Variants in DST observed in about 807,000 individuals in gnomAD.
The protein encoded by DST is dystonin.
A neutral mutation model predicts 875.2 loss-of-function variants in DST; 253 were observed. That is an observed-to-expected ratio of 0.29 (90% confidence interval 0.26 to 0.32). The LOEUF is 0.32. DST is among the 10% of genes least tolerant of loss of function. DST has a pLI of 1.00. For missense variants in DST, 8,287 were observed against 9,111.6 expected (o/e 0.91, Z 3.68); for synonymous variants, 3,124 against 3,197.1 (o/e 0.98, Z 0.77).
intron 5 of DST, among the ~76,000 whole-genome samples, chr6:56,719,958 T>G (rs1043390774): frequency 6.6e-6 from 1 of 152,090 alleles, no homozygotes; most frequent in Admixed American, 6.5e-5. Flanking sequence ...GGGGCAAAAT[T>G]AGAATTGCTA....
intron 61 of DST, chr6:56,540,761 C>T (rs896517725): frequency 1.3e-5 from 2 of 152,586 alleles, no homozygotes; most frequent in African/African-American, 4.8e-5. Flanking sequence ...TTCCCTTTGA[C>T]CATTTACATG....
intron 5 of DST, among the ~76,000 whole-genome samples, chr6:56,722,395 TA>T (rs2099422473): frequency 1.4e-5 from 2 of 146,678 alleles, no homozygotes; most frequent in East Asian, 2.5e-4. Flanking sequence ...TTTATTTATT[TA>T]TTTTTGAGAC....
At position 56,493,030 on chromosome 6, in the gene DST, G is replaced by T; in HGVS notation, c.20454C>A (p.Phe6818Leu). Residue 6818 changes from phenylalanine to leucine, a missense_variant, in exon 84 of 104, where the codon TTC becomes TTA. By Grantham distance (22) the Phe-to-Leu change is conservative. Coordinates refer to ENST00000680361, the MANE Select transcript of DST (RefSeq NM_001374736.1). ...GTTCAGCCTGAGTAAGCCAGTTGAT[G>T]AAGTCTTGGAGAGAATTGTGGAACT... ...AMEFHNSLQD[F>L]INWLTQAEQT... The T allele has an allele frequency of 6.2e-7, 1 of 1,612,934 alleles. No homozygotes were observed. Among genetic ancestry groups the T allele is most frequent in the Non-Finnish European group, 8.5e-7 (1 of 1,179,418 alleles).
At chr6:56,817,254 T>C (rs939816148) in intron 4 of DST, among the ~76,000 whole-genome samples, 2 of 152,184 alleles carry the variant, frequency 1.3e-5, no homozygotes, top group African/African-American at 4.8e-5. Flanking sequence ...TCTAATATTA[T>C]AATTTTCTTA....
At chr6:56,573,631 T>C in intron 51 of DST, 48 bp downstream of exon 51, 1 of 1,410,768 alleles carries the variant, frequency 7.1e-7, no homozygotes, top group Non-Finnish European at 1.0e-6. Flanking sequence ...CTTATAAAAC[T>C]GTTTTTTTAA....
intron 3 of DST, among the ~76,000 whole-genome samples, chr6:56,855,253 T>C (rs934611933): frequency 1.2e-4 from 19 of 152,222 alleles, no homozygotes; most frequent in African/African-American, 4.6e-4. Context: ...CAATTTTACA[T>C]AGACTAATTA....
chr6:56,481,525 T>C (rs929954881), intron 90 of DST, among the ~76,000 whole-genome samples: 1 of 152,198 alleles, frequency 6.6e-6, no homozygotes, highest in African/African-American at 2.4e-5. Context: ...ATGTATACTA[T>C]AGGTTTCTTC....
At chr6:56,712,995 A>G (rs891349859) in intron 5 of DST, among the ~76,000 whole-genome samples, 1 of 152,228 alleles carries the variant, frequency 6.6e-6, no homozygotes, top group Non-Finnish European at 1.5e-5. Context: ...ACAAAAAAAG[A>G]GAGCTCCTGG....
At chr6:56,670,156 G>A (rs1342486815) in intron 10 of DST, among the ~76,000 whole-genome samples, 1 of 151,894 alleles carries the variant, frequency 6.6e-6, no homozygotes, top group Non-Finnish European at 1.5e-5. Flanking sequence ...GTGTGTGTGT[G>A]TGTGTGTGTG....
chr6:56,586,321 G>T lies in DST; in HGVS notation c.12903+5861C>A, dbSNP rs1353758025. On this transcript the variant is annotated intron_variant, in intron 49 of 103. Transcript: ENST00000680361. ...TATATTTAGGATAGTTAGCTCTTCTGGTTGAATTGATCCCTTTACCATTAT... is the reference window on the plus strand; with the variant it reads ...TATATTTAGGATAGTTAGCTCTTCTTGTTGAATTGATCCCTTTACCATTAT... Among the ~76,000 whole-genome samples the T allele has an allele frequency of 1.4e-4, 21 of 151,578 alleles. No homozygotes were observed. The East Asian group carries it at 2.0e-3, about 14-fold the overall frequency.
At chr6:56,713,480 T>C (rs753260984) in intron 5 of DST, among the ~76,000 whole-genome samples, 3 of 152,208 alleles carry the variant, frequency 2.0e-5, no homozygotes, top group Non-Finnish European at 4.4e-5. Context: ...ATGTCTTACA[T>C]GGCTCTATCC....
At chr6:56,740,574 G>C (rs888981008) in intron 4 of DST, among the ~76,000 whole-genome samples, 1 of 152,138 alleles carries the variant, frequency 6.6e-6, no homozygotes, top group Non-Finnish European at 1.5e-5. Flanking sequence ...GCCTTGGTTA[G>C]GACCCAACTC....
intron 9 of DST, among the ~76,000 whole-genome samples, chr6:56,671,508 A>G (rs543697460): frequency 4.7e-4 from 71 of 152,202 alleles, no homozygotes; most frequent in African/African-American, 1.6e-3. Context: ...TTTCTCCTGT[A>G]TTTTGTTTTC....
chr6:56,532,719 C>T (rs972559380), intron 63 of DST, among the ~76,000 whole-genome samples: 2 of 152,072 alleles, frequency 1.3e-5, no homozygotes, highest in Admixed American at 6.6e-5. Context: ...GGGCTTTTCA[C>T]AGTAGACAAA....
At chr6:56,560,989 C>T (rs1452683377) in intron 57 of DST, among the ~76,000 whole-genome samples, 1 of 152,130 alleles carries the variant, frequency 6.6e-6, no homozygotes, top group Admixed American at 6.5e-5. Context: ...ACAGATCCTT[C>T]ATACATTTAG....
intron 5 of DST, among the ~76,000 whole-genome samples, chr6:56,712,085 C>A (rs968359555): frequency 2.0e-5 from 2 of 97,998 alleles, no homozygotes; most frequent in African/African-American, 7.7e-5. Context: ...AGCGAGACTC[C>A]GTCTCAAAAA....
intron 49 of DST, among the ~76,000 whole-genome samples, chr6:56,579,756 T>G (rs1381713010): frequency 2.0e-5 from 3 of 152,228 alleles, no homozygotes; most frequent in African/African-American, 7.2e-5. Context: ...TAAATAGAAA[T>G]AGGCCTGGAA....
At chr6:56,600,433 T>C (rs2098435974) in intron 44 of DST, among the ~76,000 whole-genome samples, 2 of 152,022 alleles carry the variant, frequency 1.3e-5, no homozygotes, top group Non-Finnish European at 2.9e-5. Flanking sequence ...CATGTTTAGA[T>C]GAAACTGCTC....
At chr6:56,785,067 G>A (rs2099702328) in intron 4 of DST, among the ~76,000 whole-genome samples, 1 of 152,200 alleles carries the variant, frequency 6.6e-6, no homozygotes, top group Admixed American at 6.5e-5. Flanking sequence ...GAATGCTGCT[G>A]TCTGATCGTT....
Sources: gnomAD v4.1 joint callset for allele counts (sites outside exome capture counted in the v4.1 genomes callset) on GRCh38, gnomAD v4.1.1 for gene constraint, MANE v1.5 for transcripts, NCBI Gene and HGNC (gene_info 2026-07-23, HGNC 2026-07-21) for gene names.